The following PSME4 variants were observed in gnomAD, a reference collection of about 807,000 sequenced individuals.
The protein encoded by PSME4 is proteasome activator subunit 4.
In PSME4, 89 loss-of-function variants were observed where a neutral mutation model predicts 253.9. The ratio of observed to expected loss-of-function variants is 0.35; its 90% CI spans 0.30 to 0.42. The LOEUF (loss-of-function observed/expected upper bound fraction) is 0.42, where lower values mean the gene tolerates loss of function less well. Ranked by LOEUF, PSME4 falls within the 10% of genes least tolerant of loss-of-function variation. The pLI is 1.00. For missense variants in PSME4, 2,014 were observed against 2,195.2 expected, an observed-to-expected ratio of 0.92 and a Z score of 1.65; for synonymous variants, 851 against 759.2, an observed-to-expected ratio of 1.12 and a Z score of -1.99.
intron 20 of PSME4, among the ~76,000 whole-genome samples, chr2:53,915,911 A>G (rs1452782480): frequency 2.0e-5 from 3 of 152,114 alleles, no homozygotes; most frequent in Non-Finnish European, 4.4e-5. Flanking sequence ...TCTCTACTAA[A>G]AATACAAAAA....
At chr2:53,949,553 G>C (rs1156374173) in intron 1 of PSME4, among the ~76,000 whole-genome samples, 1 of 151,302 alleles carries the variant, frequency 6.6e-6, no homozygotes, top group Non-Finnish European at 1.5e-5. Flanking sequence ...ACTTCAGCTA[G>C]AACCAGTGAT....
At chr2:53,927,779 T>C (rs1260240843) in intron 11 of PSME4, among the ~76,000 whole-genome samples, 2 of 152,024 alleles carry the variant, frequency 1.3e-5, no homozygotes, top group African/African-American at 2.4e-5. Context: ...AAACCCTGTC[T>C]CTACTAAAAA....
chr2:53,947,321 G>C (rs1669758311), intron 3 of PSME4, among the ~76,000 whole-genome samples: 1 of 152,192 alleles, frequency 6.6e-6, no homozygotes, highest in African/African-American at 2.4e-5. Context: ...GCCTAAGACT[G>C]AGAGAGAAAA....
At chr2:53,948,139 T>C (rs1042251478) in intron 3 of PSME4, among the ~76,000 whole-genome samples, 3 of 152,198 alleles carry the variant, frequency 2.0e-5, no homozygotes, top group Admixed American at 2.0e-4. Flanking sequence ...AAAGGGCAGA[T>C]GATATTTTAT....
At chr2:53,965,163 G>A (rs1295760073) in intron 1 of PSME4, among the ~76,000 whole-genome samples, 9 of 151,802 alleles carry the variant, frequency 5.9e-5, no homozygotes, top group African/African-American at 2.2e-4. Flanking sequence ...TAATCCATTC[G>A]CTTATTCTCC....
chr2:53,928,061 G>C (rs1292892195), intron 11 of PSME4, 56 bp downstream of exon 11: 1 of 1,390,998 alleles, frequency 7.2e-7, no homozygotes, highest in Non-Finnish European at 9.9e-7. Context: ...TTGTCACTGA[G>C]AAGTTTACTT....
intron 43 of PSME4, among the ~76,000 whole-genome samples, chr2:53,872,628 G>C (rs1158991430): frequency 6.6e-6 from 1 of 150,696 alleles, no homozygotes; most frequent in Admixed American, 6.7e-5. Flanking sequence ...CATAGTCCCA[G>C]CTACTCAGGA....
chr2:53,871,100 A>C (rs1217577658), intron 43 of PSME4: 1 of 152,210 alleles, frequency 6.6e-6, no homozygotes, highest in African/African-American at 2.4e-5. Flanking sequence ...TATACCTTAC[A>C]CTGCTTTTCA....
At position 53,867,651 on chromosome 2, in the gene PSME4, T is replaced by C. The variant is rs527456450; in HGVS notation, c.5264-771A>G. On this transcript the variant is annotated intron_variant, in intron 44 of 46. Coordinates refer to ENST00000404125, the MANE Select transcript of PSME4 (RefSeq NM_014614.3). ...AACCACTGCACTCCAAGGAGGGCGA[T>C]AGAGGAAGACCTTACCTCAAAAAAA... Among the ~76,000 whole-genome samples the C allele has an allele frequency of 2.6e-3, 340 of 128,876 alleles. 1 individual carries two copies. Among genetic ancestry groups the C allele is most frequent in the African/African-American group, 9.5e-3 (313 of 32,918 alleles). 84.5% of individuals were successfully genotyped at this position (128,876 alleles called of 152,430 possible). A position where few individuals can be genotyped will look rare whatever the true frequency, so the allele number is the denominator to read the frequency against.
chr2:53,931,049 G>A (rs576649628), intron 10 of PSME4, among the ~76,000 whole-genome samples: 2 of 152,182 alleles, frequency 1.3e-5, no homozygotes, highest in East Asian at 1.9e-4. Context: ...AGGCCAAGGC[G>A]AGTGGATCAC....
intron 6 of PSME4, 134 bp from the exon 7 acceptor site, chr2:53,936,295 G>C: frequency 7.8e-7 from 1 of 1,276,278 alleles, no homozygotes; most frequent in Non-Finnish European, 1.0e-6. Context: ...TTATGACTTT[G>C]TTTTTTTTAA....
Position 53,888,701 on chromosome 2 carries a change from G to A in PSME4, c.4388+20C>T, listed in dbSNP as rs1558654490. The A allele has an allele frequency of 6.4e-7, 1 of 1,554,128 alleles. No individual in the cohort carries two copies. The highest frequency in any genetic ancestry group is 2.2e-5 in the East Asian group (1 of 44,450). ...CAAAACCTTTCGTGTTAACCTCATA[G>A]GTTTTTTAAAAAAATTTACCATGCA... is the stretch of plus-strand genomic sequence containing the variant. On this transcript the variant is annotated intron_variant, in intron 38 of 46. Transcript: ENST00000404125.
rs2104425485 is a variant in PSME4, at chr2:53,890,033, C to T, written c.4296+71G>A. The T allele has an allele frequency of 5.1e-6, 6 of 1,171,244 alleles. No homozygotes were observed. The East Asian group carries it at 1.4e-4, about 28-fold the overall frequency. The allele number at this position is 1,171,244 out of a possible 1,614,324, so 72.6% of individuals were successfully genotyped here. A position where few individuals can be genotyped will look rare whatever the true frequency, so the allele number is the denominator to read the frequency against. ...ATTTAAGAAGTGTTATGAGATTTCA[C>T]ACACTTTGAGAGACAGTATCAAACA... On this transcript the variant is annotated intron_variant, in intron 37 of 46. Coordinates refer to ENST00000404125, the MANE Select transcript of PSME4 (RefSeq NM_014614.3).
chr2:53,946,021 G>A (rs1243946085), intron 3 of PSME4, among the ~76,000 whole-genome samples: 1 of 152,164 alleles, frequency 6.6e-6, no homozygotes, highest in African/African-American at 2.4e-5. Context: ...AACTTTTAAG[G>A]ACAAGGATGA....
rs191957769 is a variant in PSME4, at chr2:53,968,394, T to C, written c.242+2149A>G. ...AGAGCTAGTGGGAGAAACTAGATTT[T>C]CTTTTCATTACCACTTTCTATTCTA... On this transcript the variant is annotated intron_variant, in intron 1 of 46. Transcript: ENST00000404125. Among the ~76,000 whole-genome samples the C allele has an allele frequency of 5.3e-5, 8 of 152,328 alleles. No individual in the cohort carries two copies. In the East Asian group the frequency reaches 9.6e-4, roughly 18 times the overall value.
chr2:53,924,182 T>A (rs1269275354), intron 14 of PSME4, among the ~76,000 whole-genome samples: 1 of 152,210 alleles, frequency 6.6e-6, no homozygotes, highest in Non-Finnish European at 1.5e-5. Context: ...ATTTACTTGC[T>A]CAATGGAAGA....
chr2:53,969,511 C>T (rs1420800152), intron 1 of PSME4, among the ~76,000 whole-genome samples: 1 of 152,146 alleles, frequency 6.6e-6, no homozygotes, highest in Admixed American at 6.6e-5. Flanking sequence ...TGAGTTATGT[C>T]TTGTGTGTTC....
rs138762330 is a variant in PSME4, at chr2:53,918,819, C to T, written c.2516+332G>A. 6.6e-5 allele frequency among the ~76,000 whole-genome samples: 10 copies of T among 152,192 alleles called. No individual in the cohort carries two copies. In the East Asian group the frequency reaches 1.9e-3, roughly 29 times the overall value. On this transcript the variant is annotated intron_variant, in intron 20 of 46. Transcript: ENST00000404125. ...CAAAATTCTGAATCAACATTTGCTA[C>T]AGTCAAAACAAAGCAGTATTTTTCC...
intron 7 of PSME4, among the ~76,000 whole-genome samples, chr2:53,935,839 AC>A (rs1669080535): frequency 6.6e-6 from 1 of 152,140 alleles, no homozygotes; most frequent in African/African-American, 2.4e-5. Context: ...CATAGAAAAA[AC>A]GTTTCTCCTT....
Sources: allele counts gnomAD v4.1 joint callset (sites outside exome capture counted in the v4.1 genomes callset), GRCh38; gene constraint gnomAD v4.1.1; transcripts MANE v1.5; gene names NCBI Gene and HGNC (gene_info 2026-07-23, HGNC 2026-07-21).